TPO: variants seen among roughly 807,000 people sequenced by gnomAD.
TPO encodes the protein thyroid peroxidase.
TPO carries 78 observed loss-of-function variants against 96.9 expected under a neutral mutation model. The observed-to-expected ratio is 0.81, with a 90% CI of 0.67 to 0.97. The LOEUF (loss-of-function observed/expected upper bound fraction) is 0.97. Among genes scored for constraint, TPO ranks in the 50% least tolerant of loss-of-function variants. The pLI is 0.00. For missense variants in TPO, 1,252 were observed against 1,274.8 expected (o/e 0.98, Z 0.27); for synonymous variants, 547 against 538.0 (o/e 1.02, Z -0.23).
At chr2:1,531,120 T>A (rs1363067658) in intron 15 of TPO, among the ~76,000 whole-genome samples, 4 of 59,914 alleles carry the variant, frequency 6.7e-5, no homozygotes, top group Non-Finnish European at 9.2e-5. Context: ...CCCCACTGTG[T>A]GCAACCTCCC....
At chr2:1,401,399 T>G (rs1292847409) in intron 1 of TPO, among the ~76,000 whole-genome samples, 1 of 151,484 alleles carries the variant, frequency 6.6e-6, no homozygotes, top group Non-Finnish European at 1.5e-5. Context: ...CACAGGGGAG[T>G]TGGTGGTTTC....
chr2:1,537,423 TCCCATTGTGTGCAA>T (rs1680011765), intron 15 of TPO, among the ~76,000 whole-genome samples: 17 of 42,734 alleles, frequency 4.0e-4, no homozygotes, highest in South Asian at 1.9e-3. Context: ...CCCCAAACCC[TCCCATTGTGTGCAA>T]ACTCCCAAAT....
At chr2:1,378,001 A>G (rs1328817687) in intron 1 of TPO, among the ~76,000 whole-genome samples, 2 of 152,166 alleles carry the variant, frequency 1.3e-5, no homozygotes, top group South Asian at 2.1e-4. Flanking sequence ...TACTGTTCTC[A>G]TAGCAGTTAA....
At chr2:1,422,395 G>GACCGACCTCGTGCAGGCGCCGC (rs1163151839) in intron 2 of TPO, among the ~76,000 whole-genome samples, 1 of 151,464 alleles carries the variant, frequency 6.6e-6, no homozygotes, top group African/African-American at 2.4e-5. Flanking sequence ...CGCCGCGCTG[G>GACCGACCTCGTGCAGGCGCCGC]GCCATGGGGA....
At chr2:1,454,773 A>G (rs1366061194) in intron 6 of TPO, among the ~76,000 whole-genome samples, 1 of 152,196 alleles carries the variant, frequency 6.6e-6, no homozygotes, top group African/African-American at 2.4e-5. Context: ...TCTCAGTATT[A>G]TGAGATTGTG....
chr2:1,395,788 C>A (rs575565501), intron 1 of TPO, among the ~76,000 whole-genome samples: 109 of 151,706 alleles, frequency 7.2e-4, no homozygotes, highest in Non-Finnish European at 1.3e-3. Flanking sequence ...GTGATAGTGA[C>A]TAAGTCTCAT....
intron 15 of TPO, among the ~76,000 whole-genome samples, chr2:1,525,920 C>CG (rs1676357900): frequency 1.5e-5 from 1 of 65,166 alleles, no homozygotes; most frequent in African/African-American, 4.8e-5. Context: ...CAAATCCCCC[C>CG]ACTGTGCGCA....
At chr2:1,446,622 C>T (rs929840489) in intron 5 of TPO, among the ~76,000 whole-genome samples, 1 of 152,142 alleles carries the variant, frequency 6.6e-6, no homozygotes, top group African/African-American at 2.4e-5. Flanking sequence ...CCAGTTCAAA[C>T]ATTTTTCCCA....
chr2:1,510,885 A>G (rs1674034297), intron 14 of TPO, among the ~76,000 whole-genome samples: 1 of 152,226 alleles, frequency 6.6e-6, no homozygotes, highest in Admixed American at 6.5e-5. Context: ...ATGCAGATAT[A>G]TAGATATAGA....
chr2:1,488,070 C>T, intron 10 of TPO, 79 bp downstream of exon 10: 1 of 1,593,400 alleles, frequency 6.3e-7, no homozygotes. Context: ...GCTAGAGAGA[C>T]TGATTTAGAG....
chr2:1,427,393 C>T (rs1275475391), intron 3 of TPO, among the ~76,000 whole-genome samples: 1 of 152,222 alleles, frequency 6.6e-6, no homozygotes, highest in Non-Finnish European at 1.5e-5. Context: ...TCACCTGCAG[C>T]AGCCAGACCC....
upstream of TPO, among the ~76,000 whole-genome samples, chr2:1,374,047 G>A (rs1479793877): frequency 1.3e-5 from 2 of 152,184 alleles, no homozygotes; most frequent in South Asian, 2.1e-4. Flanking sequence ...CTGGAGAAAC[G>A]CCTTGCACAC....
intron 5 of TPO, among the ~76,000 whole-genome samples, chr2:1,443,572 C>A (rs1666425949): frequency 7.1e-6 from 1 of 140,074 alleles, no homozygotes. Flanking sequence ...AAAGGGCAGG[C>A]TCCTTCTTGT....
intron 1 of TPO, among the ~76,000 whole-genome samples, chr2:1,374,570 C>T (rs1030477804): frequency 1.2e-4 from 18 of 152,172 alleles, no homozygotes; most frequent in African/African-American, 4.1e-4. Flanking sequence ...CTTTCCAGGA[C>T]AAGCATGTGT....
In TPO at chr2:1,436,266, G is replaced by A; in HGVS notation, c.364G>A (p.Asp122Asn). The A allele has an allele frequency of 6.2e-7, 1 of 1,614,218 alleles. No individual in the cohort carries two copies. Among genetic ancestry groups the A allele is most frequent in the Non-Finnish European group, 8.5e-7 (1 of 1,180,052 alleles). ...ATTTTTCACAGATGCTTTATCAGAA[G>A]ATCTGCTGAGCATCATTGCAAACAT... is the stretch of plus-strand genomic sequence containing the variant. ...SQHPTDALSE[D>N]LLSIIANMSG... is the part of the protein sequence containing the mutation. Residue 122 changes from aspartate to asparagine, a missense_variant, in exon 5 of 17, where the codon GAT becomes AAT. Coordinates refer to ENST00000329066, the MANE Select transcript of TPO (RefSeq NM_001206744.2).
At chr2:1,532,549 AACCTCCTCAAATCCCCCCAACTGTGTGCG>A in intron 15 of TPO, among the ~76,000 whole-genome samples, 2 of 115,450 alleles carry the variant, frequency 1.7e-5, no homozygotes, top group African/African-American at 7.0e-5. Flanking sequence ...CACTGTCAGC[AACCTCCTCAAATCCCCCCAACTGTGTGCG>A]ACCTCCCCAA....
At chr2:1,505,155 C>T (rs996785707) in intron 14 of TPO, among the ~76,000 whole-genome samples, 2 of 152,158 alleles carry the variant, frequency 1.3e-5, no homozygotes, top group Admixed American at 6.5e-5. Context: ...TGCCCGGGGC[C>T]TTCAGAGGCT....
At chr2:1,478,477 C>T (rs546847181) in intron 8 of TPO, among the ~76,000 whole-genome samples, 1 of 152,344 alleles carries the variant, frequency 6.6e-6, no homozygotes, top group South Asian at 2.1e-4. Context: ...CTGTGTGTGG[C>T]ACCGGCTGCC....
chr2:1,542,467 C>G lies in TPO; in HGVS notation c.2795C>G (p.Ala932Gly), dbSNP rs144874749. The change falls in exon 17 of 17, where the codon GCC (alanine) becomes GGC (glycine). Residue 932 changes from alanine (A) to glycine (G), a missense_variant. Coordinates refer to ENST00000329066, the MANE Select transcript of TPO (RefSeq NM_001206744.2). ...CGGGATACTCACAGGCTGCCGAGAG[C>G]CCTCTGAGGGCAAAGTGGCAGGACA... ...EGRDTHRLPR[A>G]L is the part of the protein sequence containing the mutation. 3.1e-6 allele frequency: 5 copies of G among 1,614,042 alleles called. No individual in the cohort carries two copies. The African/African-American group carries it at 5.3e-5, about 17-fold the overall frequency.
Sources: allele counts gnomAD v4.1 joint callset (sites outside exome capture counted in the v4.1 genomes callset), GRCh38; gene constraint gnomAD v4.1.1; transcripts MANE v1.5; gene names NCBI Gene and HGNC (gene_info 2026-07-23, HGNC 2026-07-21).